CACNA1E: variants seen among roughly 807,000 people sequenced by gnomAD.
CACNA1E encodes the protein voltage-dependent R-type calcium channel subunit alpha-1E.
CACNA1E carries 40 observed loss-of-function variants against 259.2 expected under a neutral mutation model. That is an observed-to-expected ratio of 0.15 (90% CI 0.12 to 0.20). The LOEUF (loss-of-function observed/expected upper bound fraction) is 0.20, where lower values mean the gene tolerates loss of function less well. Ranked by LOEUF, CACNA1E falls within the 10% of genes least tolerant of loss-of-function variation. The probability of loss-of-function intolerance (pLI) is 1.00; values close to 1 mark genes in which losing one functional copy is unlikely to be tolerated. For synonymous variants in CACNA1E, 1,104 were observed against 1,138.5 expected, an observed-to-expected ratio of 0.97 and a Z score of 0.61; for missense variants, 1,874 against 3,040.1, an observed-to-expected ratio of 0.62 and a Z score of 9.02.
chr1:181,626,074 CA>C (rs2101915069), intron 6 of CACNA1E, among the ~76,000 whole-genome samples: 1 of 152,188 alleles, frequency 6.6e-6, no homozygotes, highest in Non-Finnish European at 1.5e-5. Context: ...TTAAGCATAC[CA>C]ACTTACATAA....
At chr1:181,622,007 C>G (rs1655772111) in intron 6 of CACNA1E, among the ~76,000 whole-genome samples, 1 of 152,182 alleles carries the variant, frequency 6.6e-6, no homozygotes. Flanking sequence ...GGGTCTTTGT[C>G]ACTGCCAAGA....
At position 181,658,411 on chromosome 1, in the gene CACNA1E, C is replaced by T. The variant is rs184849695; in HGVS notation, c.1055+6970C>T. Among the ~76,000 whole-genome samples the T allele has an allele frequency of 4.9e-4, 74 of 152,284 alleles. 1 individual carries two copies. The highest frequency in any genetic ancestry group is 3.1e-3 in the Admixed American group (48 of 15,308). ...TGTAAGAAACCACTTATTAGCATTG[C>T]GAATTTGGATAAGTTACTCTGAGCC... On this transcript the variant is annotated intron_variant, in intron 7 of 47. Transcript: ENST00000367573.
At chr1:181,350,203 A>AT (rs536305003) in intron 1 of CACNA1E, among the ~76,000 whole-genome samples, 4 of 152,172 alleles carry the variant, frequency 2.6e-5, no homozygotes, top group Non-Finnish European at 5.9e-5. Flanking sequence ...CTCCATTTTA[A>AT]TTTTGGGAAA....
intron 7 of CACNA1E, among the ~76,000 whole-genome samples, chr1:181,687,982 T>TTATG (rs1256651547): frequency 2.0e-5 from 3 of 152,310 alleles, no homozygotes; most frequent in African/African-American, 7.2e-5. Flanking sequence ...TTTTCGTGAC[T>TTATG]TATGGTTCAT....
chr1:181,721,614 C>CTT (rs371501501), intron 15 of CACNA1E, 144 bp from the exon 16 acceptor site: 41 of 446,388 alleles, frequency 9.2e-5, no homozygotes, highest in South Asian at 2.4e-4. Flanking sequence ...ATGGAAATGA[C>CTT]TTTTTTTTTT....
intron 2 of CACNA1E, among the ~76,000 whole-genome samples, chr1:181,473,116 G>A (rs146460601): frequency 2.6e-5 from 4 of 152,306 alleles, no homozygotes; most frequent in African/African-American, 4.8e-5. Flanking sequence ...GCTGAACACC[G>A]CATAGTATTT....
chr1:181,626,071 T>C (rs57007874), intron 6 of CACNA1E, among the ~76,000 whole-genome samples: 2,410 of 152,320 alleles, frequency 0.016, 52 homozygotes, highest in East Asian at 0.11. Context: ...CAATTAAGCA[T>C]ACCAACTTAC....
intron 2 of CACNA1E, among the ~76,000 whole-genome samples, chr1:181,416,141 GCTAC>G (rs1234004585): frequency 2.6e-5 from 4 of 152,108 alleles, no homozygotes; most frequent in Non-Finnish European, 5.9e-5. Flanking sequence ...ATCTCTTCAT[GCTAC>G]CTCACAGGTC....
chr1:181,525,129 GACA>G (rs1450904976), intron 3 of CACNA1E, among the ~76,000 whole-genome samples: 1 of 152,190 alleles, frequency 6.6e-6, no homozygotes, highest in Admixed American at 6.5e-5. Context: ...ATTTGAGCTT[GACA>G]ACATTTGATC....
intron 1 of CACNA1E, among the ~76,000 whole-genome samples, chr1:181,321,302 C>T (rs1379592718): frequency 6.6e-6 from 1 of 152,136 alleles, no homozygotes; most frequent in African/African-American, 2.4e-5. Context: ...TGCCTGGCAA[C>T]CTAGATCTCA....
chr1:181,470,281 T>A (rs1435659177), intron 2 of CACNA1E, among the ~76,000 whole-genome samples: 2 of 152,050 alleles, frequency 1.3e-5, no homozygotes, highest in African/African-American at 4.8e-5. Context: ...CTTGAACTCC[T>A]GGGTTCAAGC....
chr1:181,719,127 G>A (rs74127829), intron 12 of CACNA1E, among the ~76,000 whole-genome samples: 1,941 of 152,216 alleles, frequency 0.013, 46 homozygotes, highest in African/African-American at 0.043. Context: ...CGTACCTTTC[G>A]GCATTGCTGT....
At chr1:181,523,890 T>C (rs568128193) in intron 3 of CACNA1E, among the ~76,000 whole-genome samples, 2 of 152,326 alleles carry the variant, frequency 1.3e-5, no homozygotes, top group South Asian at 2.1e-4. Flanking sequence ...AAGTAGAAGT[T>C]AGATACAATG....
intron 44 of CACNA1E, among the ~76,000 whole-genome samples, chr1:181,792,153 C>CAG (rs1661375372): frequency 6.6e-6 from 1 of 152,142 alleles, no homozygotes; most frequent in South Asian, 2.1e-4. Context: ...GACCTCGCAG[C>CAG]ATTTTGCCTG....
intron 6 of CACNA1E, among the ~76,000 whole-genome samples, chr1:181,645,646 CCA>C (rs1476233590): frequency 6.6e-6 from 1 of 152,210 alleles, no homozygotes; most frequent in Admixed American, 6.5e-5. Context: ...CCCACCTGCC[CCA>C]GTTCCCTGTG....
At chr1:181,633,648 C>A (rs891837053) in intron 6 of CACNA1E, among the ~76,000 whole-genome samples, 3 of 152,006 alleles carry the variant, frequency 2.0e-5, no homozygotes, top group Non-Finnish European at 4.4e-5. Flanking sequence ...CCTGCCACCA[C>A]GCCCGGCTCA....
chr1:181,344,984 C>T (rs1652473674), intron 1 of CACNA1E, among the ~76,000 whole-genome samples: 2 of 152,224 alleles, frequency 1.3e-5, no homozygotes, highest in Non-Finnish European at 2.9e-5. Flanking sequence ...AATTTCATGC[C>T]TGTCAGAAAA....
At chr1:181,677,724 A>C (rs1649521951) in intron 7 of CACNA1E, among the ~76,000 whole-genome samples, 1 of 152,184 alleles carries the variant, frequency 6.6e-6, no homozygotes, top group South Asian at 2.1e-4. Context: ...TGTGGTTTCT[A>C]TCATGTAAGA....
intron 2 of CACNA1E, among the ~76,000 whole-genome samples, chr1:181,478,269 G>A (rs1457438683): frequency 1.3e-5 from 2 of 152,316 alleles, no homozygotes; most frequent in African/African-American, 4.8e-5. Flanking sequence ...GCTGACCTGT[G>A]GTTAGCTGAT....
Sources: gnomAD v4.1 joint callset for allele counts (sites outside exome capture counted in the v4.1 genomes callset) on GRCh38, gnomAD v4.1.1 for gene constraint, MANE v1.5 for transcripts, NCBI Gene and HGNC (gene_info 2026-07-23, HGNC 2026-07-21) for gene names.